Variants in HERPUD2 observed in about 807,000 individuals in gnomAD.
The protein encoded by HERPUD2 is homocysteine-responsive endoplasmic reticulum-resident ubiquitin-like domain member 2 protein.
In HERPUD2, 13 loss-of-function variants were observed where a neutral mutation model predicts 49.9. The observed-to-expected ratio is 0.26, with a 90% CI of 0.17 to 0.41. The LOEUF is 0.41. Among genes scored for constraint, HERPUD2 ranks in the 10% least tolerant of loss-of-function variants. The pLI is 1.00. For synonymous variants in HERPUD2, 172 were observed against 171.4 expected (o/e 1.00, Z -0.03); for missense variants, 449 against 492.2 (o/e 0.91, Z 0.83).
At chr7:35,669,027 T>C (rs1200669200) in intron 4 of HERPUD2, among the ~76,000 whole-genome samples, 2 of 152,242 alleles carry the variant, frequency 1.3e-5, no homozygotes, top group African/African-American at 2.4e-5. Flanking sequence ...AAAACAAATA[T>C]ACACACTAAT....
chr7:35,635,747 TA>T (rs1212423498), intron 6 of HERPUD2, among the ~76,000 whole-genome samples: 8 of 152,166 alleles, frequency 5.3e-5, no homozygotes, highest in Admixed American at 4.6e-4. Flanking sequence ...TCTCTTTCAA[TA>T]AATTACCTTA....
At chr7:35,661,417 A>C (rs62454596) in intron 5 of HERPUD2, among the ~76,000 whole-genome samples, 51,263 of 152,010 alleles carry the variant, frequency 0.34, 10,370 homozygotes, top group Middle Eastern at 0.46. Flanking sequence ...GAAGAAAGTC[A>C]TTGGTAGCTT....
chr7:35,664,456 G>A (rs531883792), intron 5 of HERPUD2, among the ~76,000 whole-genome samples: 13 of 152,204 alleles, frequency 8.5e-5, no homozygotes, highest in Non-Finnish European at 1.5e-4. Context: ...GGTTGGGGAA[G>A]TTCTCCTGGA....
At chr7:35,642,264 A>G (rs987276224) in intron 5 of HERPUD2, among the ~76,000 whole-genome samples, 3 of 152,242 alleles carry the variant, frequency 2.0e-5, no homozygotes, top group African/African-American at 7.2e-5. Context: ...ATGAGATACC[A>G]TATCACACCA....
At chr7:35,662,630 C>T (rs1285946405) in intron 5 of HERPUD2, among the ~76,000 whole-genome samples, 1 of 152,142 alleles carries the variant, frequency 6.6e-6, no homozygotes, top group Non-Finnish European at 1.5e-5. Flanking sequence ...GGAATTTATC[C>T]ATTTCTTCTA....
At chr7:35,656,779 G>A (rs181631039) in intron 5 of HERPUD2, among the ~76,000 whole-genome samples, 8 of 152,116 alleles carry the variant, frequency 5.3e-5, no homozygotes, top group South Asian at 2.1e-4. Flanking sequence ...CCCTCCCTTC[G>A]ATAAATGGTG....
chr7:35,679,660 A>C (rs547027510), intron 2 of HERPUD2, among the ~76,000 whole-genome samples: 1 of 152,302 alleles, frequency 6.6e-6, no homozygotes, highest in African/African-American at 2.4e-5. Context: ...AATTCTAAAC[A>C]TTAGGGTTCT....
At chr7:35,674,408 G>T (rs3857743) in intron 2 of HERPUD2, among the ~76,000 whole-genome samples, 5,501 of 13,488 alleles carry the variant, frequency 0.41, 187 homozygotes, top group Non-Finnish European at 0.44. Context: ...TATATATAGA[G>T]AGAGAGAGAG....
chr7:35,675,748 C>T (rs570547679), intron 2 of HERPUD2, among the ~76,000 whole-genome samples: 1 of 152,216 alleles, frequency 6.6e-6, no homozygotes, highest in East Asian at 1.9e-4. Context: ...AAAGAGAATA[C>T]TGTATTTTAA....
intron 5 of HERPUD2, among the ~76,000 whole-genome samples, chr7:35,643,314 A>G (rs1205683237): frequency 6.6e-6 from 1 of 152,254 alleles, no homozygotes; most frequent in African/African-American, 2.4e-5. Context: ...AAGCCAAAAT[A>G]TAACAAAAAC....
chr7:35,670,849 T>G (rs192925158), intron 3 of HERPUD2, among the ~76,000 whole-genome samples: 37 of 152,152 alleles, frequency 2.4e-4, no homozygotes, highest in Non-Finnish European at 5.3e-4. Flanking sequence ...ATTTAAACTA[T>G]ATTCTGTAAA....
At chr7:35,656,230 C>CA (rs1250172247) in intron 5 of HERPUD2, among the ~76,000 whole-genome samples, 1 of 151,430 alleles carries the variant, frequency 6.6e-6, no homozygotes, top group Non-Finnish European at 1.5e-5. Flanking sequence ...ACAATAGCTA[C>CA]AAAAAAATAC....
intron 2 of HERPUD2, among the ~76,000 whole-genome samples, chr7:35,679,326 C>A (rs573594094): frequency 1.3e-5 from 2 of 152,238 alleles, no homozygotes; most frequent in Admixed American, 6.5e-5. Flanking sequence ...CAAAATACAG[C>A]TAACTGAAGT....
intron 5 of HERPUD2, among the ~76,000 whole-genome samples, chr7:35,651,474 G>C (rs1300635346): frequency 6.6e-6 from 1 of 152,066 alleles, no homozygotes; most frequent in Non-Finnish European, 1.5e-5. Context: ...AAACACTACT[G>C]ACACTGTTCC....
chr7:35,643,603 T>G (rs1452809798), intron 5 of HERPUD2, among the ~76,000 whole-genome samples: 2 of 151,922 alleles, frequency 1.3e-5, no homozygotes, highest in African/African-American at 4.8e-5. Context: ...TGTATACATA[T>G]ATGTGTGTAC....
intron 5 of HERPUD2, among the ~76,000 whole-genome samples, chr7:35,650,253 G>A (rs1414038574): frequency 1.3e-5 from 2 of 152,150 alleles, no homozygotes; most frequent in Admixed American, 1.3e-4. Context: ...AAGAAGGAGA[G>A]GGAAGCAAGG....
chr7:35,674,448 GAGAGAGAGAGAGAGA>G (rs1785716071), intron 2 of HERPUD2, among the ~76,000 whole-genome samples: 1 of 126,180 alleles, frequency 7.9e-6, no homozygotes, highest in African/African-American at 2.9e-5. Flanking sequence ...GAGAGAGAGA[GAGAGAGAGAGAGAGA>G]GGAGCACTGT....
chr7:35,657,612 A>C (rs1364965474), intron 5 of HERPUD2, among the ~76,000 whole-genome samples: 1 of 150,388 alleles, frequency 6.6e-6, no homozygotes, highest in Admixed American at 6.6e-5. Context: ...TCAAAAAAAA[A>C]AAAAAAAAAA....
chr7:35,667,458 T>C lies in HERPUD2; in HGVS notation c.470A>G (p.His157Arg), dbSNP rs1216512258. 1 of 1,613,554 alleles carries C rather than the reference T, an allele frequency of 6.2e-7. No individual in the cohort carries two copies. The highest frequency in any genetic ancestry group is 1.1e-5 in the South Asian group (1 of 91,030). The change falls in exon 5 of 9, where the codon CAC becomes CGC. Residue 157 changes from histidine (H) to arginine (R), a missense_variant. Transcript: ENST00000311350. The stretch of plus-strand genomic sequence containing the variant: ...CCCTTGCATTACATATGGAAACTGG[T>C]GACTCTGTGCTTGGTCAGTTTGTGC... ...PQAQTDQAQS[H>R]QFPYVMQGNV...
Sources: allele counts gnomAD v4.1 joint callset (sites outside exome capture counted in the v4.1 genomes callset), GRCh38; gene constraint gnomAD v4.1.1; transcripts MANE v1.5; gene names NCBI Gene and HGNC (gene_info 2026-07-23, HGNC 2026-07-21).